The following CADM2 variants were observed in gnomAD, a reference collection of about 807,000 sequenced individuals.
CADM2 encodes immunoglobulin superfamily member 4D.
Under a neutral mutation model 49.8 loss-of-function variants are expected in CADM2, and 12 were observed. The ratio of observed to expected loss-of-function variants is 0.24; its 90% CI spans 0.15 to 0.39. The LOEUF is 0.39. Among genes scored for constraint, CADM2 ranks in the 10% least tolerant of loss-of-function variants. The probability of loss-of-function intolerance (pLI) is 1.00; values close to 1 mark genes in which losing one functional copy is unlikely to be tolerated. For missense variants in CADM2, 378 were observed against 492.3 expected, an observed-to-expected ratio of 0.77 and a Z score of 2.20; for synonymous variants, 214 against 175.4, an observed-to-expected ratio of 1.22 and a Z score of -1.74.
At chr3:84,965,705 T>C (rs1490013796) in intron 1 of CADM2, among the ~76,000 whole-genome samples, 2 of 152,198 alleles carry the variant, frequency 1.3e-5, no homozygotes, top group African/African-American at 4.8e-5. Flanking sequence ...GGAAGCATTC[T>C]GTTATCCAGT....
intron 1 of CADM2, among the ~76,000 whole-genome samples, chr3:85,577,982 T>TTTC (rs2062685275): frequency 8.0e-6 from 1 of 124,368 alleles, no homozygotes; most frequent in Non-Finnish European, 1.7e-5. Flanking sequence ...CCTATTAATC[T>TTTC]CTTTCCTTCC....
intron 1 of CADM2, among the ~76,000 whole-genome samples, chr3:85,674,538 C>T (rs1401209369): frequency 1.3e-5 from 2 of 151,934 alleles, no homozygotes; most frequent in East Asian, 1.9e-4. Context: ...GAGCTCTTTT[C>T]GTTTATTTTT....
At chr3:85,981,358 T>A (rs1408153168) in intron 8 of CADM2, among the ~76,000 whole-genome samples, 1 of 151,606 alleles carries the variant, frequency 6.6e-6, no homozygotes, top group African/African-American at 2.4e-5. Flanking sequence ...TTTTTTTCCT[T>A]CCAACTTTTA....
At chr3:85,934,830 G>A (rs77412408) in intron 6 of CADM2, among the ~76,000 whole-genome samples, 5,066 of 152,034 alleles carry the variant, frequency 0.033, 286 homozygotes, top group African/African-American at 0.12. Context: ...AAGAAGGGAA[G>A]AGTGAGAATA....
chr3:85,553,773 G>C (rs111779636), intron 1 of CADM2, among the ~76,000 whole-genome samples: 1,659 of 152,200 alleles, frequency 0.011, 11 homozygotes, highest in Middle Eastern at 0.02. Flanking sequence ...TAGTGATTAA[G>C]AATAAGATTA....
intron 1 of CADM2, among the ~76,000 whole-genome samples, chr3:85,352,424 C>A (rs944566026): frequency 6.6e-6 from 1 of 151,950 alleles, no homozygotes; most frequent in Non-Finnish European, 1.5e-5. Context: ...ATTCTGTTAT[C>A]GGTGAAAAAA....
intron 1 of CADM2, among the ~76,000 whole-genome samples, chr3:85,121,418 G>C (rs1358273723): frequency 1.3e-5 from 2 of 152,076 alleles, no homozygotes; most frequent in Non-Finnish European, 2.9e-5. Flanking sequence ...ACAAAGCATC[G>C]AAGAAGGGTA....
chr3:85,616,397 C>T (rs2063801710), intron 1 of CADM2, among the ~76,000 whole-genome samples: 1 of 151,972 alleles, frequency 6.6e-6, no homozygotes, highest in African/African-American at 2.4e-5. Flanking sequence ...TTAAATAAAG[C>T]TATTGAAATA....
At chr3:86,062,285 A>G (rs369725371) in intron 8 of CADM2, among the ~76,000 whole-genome samples, 126 of 152,340 alleles carry the variant, frequency 8.3e-4, no homozygotes, top group African/African-American at 2.5e-3. Flanking sequence ...AAGTAATACA[A>G]ATAGAGAATT....
intron 1 of CADM2, among the ~76,000 whole-genome samples, chr3:85,150,635 T>C (rs1402649410): frequency 1.3e-5 from 2 of 152,100 alleles, no homozygotes; most frequent in African/African-American, 4.8e-5. Flanking sequence ...CTGGGCATTG[T>C]GGCTCACGCC....
chr3:85,877,684 G>GTTTTTTTTTTTTTTTTTTTTTTGT (rs368101272), intron 3 of CADM2, among the ~76,000 whole-genome samples: 2 of 112,026 alleles, frequency 1.8e-5, no homozygotes, highest in Admixed American at 1.0e-4. Context: ...TTTTTCTTCT[G>GTTTTTTTTTTTTTTTTTTTTTTGT]TTTTTTTTTT....
chr3:85,996,464 T>C (rs1337607874), intron 8 of CADM2, among the ~76,000 whole-genome samples: 3 of 151,828 alleles, frequency 2.0e-5, no homozygotes, highest in African/African-American at 7.3e-5. Flanking sequence ...AGTTGCAAAA[T>C]TGGAACTAAA....
At chr3:85,108,700 T>A (rs1162632662) in intron 1 of CADM2, among the ~76,000 whole-genome samples, 1 of 151,744 alleles carries the variant, frequency 6.6e-6, no homozygotes, top group Admixed American at 6.6e-5. Context: ...AATAAAAAAA[T>A]TAAAAAAATA....
chr3:85,013,912 G>A (rs968824415), intron 1 of CADM2, among the ~76,000 whole-genome samples: 3 of 145,846 alleles, frequency 2.1e-5, no homozygotes, highest in Non-Finnish European at 4.5e-5. Flanking sequence ...ACTGTCCTCA[G>A]TACAATATTA....
At chr3:85,697,742 T>C (rs1296028825) in intron 1 of CADM2, among the ~76,000 whole-genome samples, 1 of 152,210 alleles carries the variant, frequency 6.6e-6, no homozygotes, top group Non-Finnish European at 1.5e-5. Flanking sequence ...CAGTGTTCCA[T>C]TTCTTGGATT....
chr3:85,552,186 A>T (rs913937837), intron 1 of CADM2, among the ~76,000 whole-genome samples: 5 of 152,114 alleles, frequency 3.3e-5, no homozygotes, highest in Non-Finnish European at 5.9e-5. Context: ...AGGCTGATAG[A>T]ACTGAAGCCT....
chr3:86,048,965 AT>A (rs1737005985), intron 8 of CADM2, among the ~76,000 whole-genome samples: 1 of 152,194 alleles, frequency 6.6e-6, no homozygotes. Context: ...TCTCGTTTTT[AT>A]GGCAAGTCTT....
At chr3:85,984,308 T>TA (rs1300357594) in intron 8 of CADM2, among the ~76,000 whole-genome samples, 1 of 151,270 alleles carries the variant, frequency 6.6e-6, no homozygotes, top group African/African-American at 2.4e-5. Flanking sequence ...CTAGTATTAA[T>TA]ATAAGCATTA....
intron 1 of CADM2, among the ~76,000 whole-genome samples, chr3:85,126,516 G>A (rs1315988527): frequency 2.0e-5 from 3 of 152,062 alleles, no homozygotes; most frequent in Non-Finnish European, 4.4e-5. Flanking sequence ...GTGTGTGTAT[G>A]TTTTAAAAAA....
Sources: allele counts gnomAD v4.1 joint callset (sites outside exome capture counted in the v4.1 genomes callset), GRCh38; gene constraint gnomAD v4.1.1; transcripts MANE v1.5; gene names NCBI Gene and HGNC (gene_info 2026-07-23, HGNC 2026-07-21).